Variants in SNRPN observed in about 807,000 individuals in gnomAD.
SNRPN encodes small nuclear ribonucleoprotein-associated protein N.
A neutral mutation model predicts 25.2 loss-of-function variants in SNRPN; 7 were observed. The ratio of observed to expected loss-of-function variants is 0.28; its 90% CI spans 0.16 to 0.52. The LOEUF (loss-of-function observed/expected upper bound fraction) is 0.52, where lower values mean the gene tolerates loss of function less well. Ranked by LOEUF, SNRPN falls within the 20% of genes least tolerant of loss-of-function variation. The pLI, the probability that SNRPN is intolerant of heterozygous loss-of-function variation, is 0.96. For missense variants in SNRPN, 196 were observed against 322.5 expected (o/e 0.61, Z 3.00); for synonymous variants, 124 against 110.6 (o/e 1.12, Z -0.76).
intron 2 of SNRPN, among the ~76,000 whole-genome samples, chr15:24,908,033 A>G (rs1405520552): frequency 3.0e-5 from 4 of 132,944 alleles, no homozygotes; most frequent in Non-Finnish European, 6.1e-5. Context: ...AGCCTGGGCA[A>G]CAGAGCTAGA....
chr15:24,914,713 G>C (rs934677878), intron 2 of SNRPN, among the ~76,000 whole-genome samples: 1 of 152,054 alleles, frequency 6.6e-6, no homozygotes, highest in Non-Finnish European at 1.5e-5. Context: ...TGAGGTCCTG[G>C]GTGAGAGGTC....
intron 2 of SNRPN, among the ~76,000 whole-genome samples, chr15:24,833,659 T>G (rs1032488660): frequency 1.3e-5 from 2 of 151,922 alleles, no homozygotes; most frequent in Non-Finnish European, 2.9e-5. Flanking sequence ...TAACATAGAC[T>G]ATTATTTTAA....
At chr15:24,966,129 T>C (rs186322050) in intron 2 of SNRPN, among the ~76,000 whole-genome samples, 4 of 152,200 alleles carry the variant, frequency 2.6e-5, no homozygotes. Flanking sequence ...TTCCCCTCAA[T>C]GCAGACACCA....
chr15:24,854,947 C>T (rs575209487), upstream of SNRPN, among the ~76,000 whole-genome samples: 70 of 151,204 alleles, frequency 4.6e-4, 1 homozygote, highest in East Asian at 0.011. Flanking sequence ...GAGGTTGCAG[C>T]GAGCCGAGAT....
intron 2 of SNRPN, among the ~76,000 whole-genome samples, chr15:24,917,718 G>C (rs539330493): frequency 5.3e-5 from 8 of 152,346 alleles, no homozygotes; most frequent in African/African-American, 1.9e-4. Context: ...TTTTCTTTCC[G>C]CAGCCACGGG....
At chr15:24,878,462 C>T (rs1221574841) in intron 1 of SNRPN, among the ~76,000 whole-genome samples, 2 of 152,258 alleles carry the variant, frequency 1.3e-5, no homozygotes, top group Admixed American at 6.5e-5. Context: ...GCCTTTTCTC[C>T]TTCCGGTTTC....
At position 24,837,427 on chromosome 15, in the gene SNRPN, GC is replaced by G. The variant is rs537549802; in HGVS notation, c.-579+7523del. 1.5e-3 allele frequency among the ~76,000 whole-genome samples: 232 copies of G among 151,460 alleles called. 1 individual carries two copies. Among genetic ancestry groups the G allele is most frequent in the African/African-American group, 5.5e-3 (228 of 41,172 alleles). On this transcript the variant is annotated intron_variant, in intron 2 of 12. Transcript: ENST00000400100. ...GTGTAGCCCAGGCTGGAGTGCAGTG[GC>G]TGCGATCTTGGCTCACTGCAAGCTC...
chr15:24,915,007 A>C (rs565157069), intron 2 of SNRPN, among the ~76,000 whole-genome samples: 40 of 152,272 alleles, frequency 2.6e-4, no homozygotes, highest in African/African-American at 9.4e-4. Context: ...ACACCTAACA[A>C]GATTCTTGTT....
At chr15:24,972,856 A>G (rs12913403) in intron 3 of SNRPN, among the ~76,000 whole-genome samples, 3,698 of 151,860 alleles carry the variant, frequency 0.024, 56 homozygotes, top group Middle Eastern at 0.055. Flanking sequence ...AAGATTACAA[A>G]ACCATGTTTT....
chr15:24,859,221 G>A (rs368750973), intron 1 of SNRPN, among the ~76,000 whole-genome samples: 17 of 152,220 alleles, frequency 1.1e-4, no homozygotes, highest in African/African-American at 2.9e-4. Flanking sequence ...ACCCCTCTGC[G>A]CAGAAGTAAA....
intron 1 of SNRPN, among the ~76,000 whole-genome samples, chr15:24,959,787 T>A (rs543411699): frequency 6.6e-6 from 1 of 152,238 alleles, no homozygotes; most frequent in Admixed American, 6.5e-5. Flanking sequence ...TGATGGACAT[T>A]TGAGTTGTTT....
At chr15:24,909,144 T>C in intron 2 of SNRPN, 2 of 1,353,190 alleles carry the variant, frequency 1.5e-6, no homozygotes, top group Admixed American at 1.7e-5. Flanking sequence ...CTGTTCTTTA[T>C]GTATTGAGAG....
At chr15:24,905,399 C>T (rs1176038063) in intron 2 of SNRPN, among the ~76,000 whole-genome samples, 1 of 151,262 alleles carries the variant, frequency 6.6e-6, no homozygotes, top group Non-Finnish European at 1.5e-5. Context: ...GTCTTAGCAG[C>T]TCAGGAGGCT....
chr15:24,910,928 A>T, intron 2 of SNRPN: 2 of 747,646 alleles, frequency 2.7e-6, no homozygotes, highest in South Asian at 3.1e-5. Flanking sequence ...TTCCTCCTGT[A>T]GGCTGGCAGA....
Position 24,863,999 on chromosome 15 carries a change from T to TTTTA in SNRPN, c.-579+7299_-579+7302dup, listed in dbSNP as rs1555383863. ...TTTTAGATGTTTTTTCTTTTTTAAATTTTATTTATTTATTTATTTTTATTT... is the reference window on the plus strand; with the variant it reads ...TTTTAGATGTTTTTTCTTTTTTAAATTTTATTTATTTATTTATTTATTTTTATTT... On this transcript the variant is annotated intron_variant, in intron 1 of 11. Coordinates refer to the SNRPN transcript ENST00000400097. 2.4e-4 allele frequency among the ~76,000 whole-genome samples: 35 copies of TTTTA among 148,840 alleles called. 2 individuals are homozygous for TTTTA. The highest frequency in any genetic ancestry group is 8.2e-4 in the African/African-American group (33 of 40,056).
At position 24,977,748 on chromosome 15, in the gene SNRPN, C is replaced by G. The variant is rs760905813; in HGVS notation, c.421-30C>G. On this transcript the variant is annotated intron_variant, in intron 7 of 9. Coordinates refer to ENST00000390687, the MANE Select transcript of SNRPN (RefSeq NM_003097.6). The stretch of plus-strand genomic sequence containing the variant: ...TTGAATAATGTGAAGGTTTGCATCG[C>G]TTTGACTGTTTCCCGCCCTGCCTTC... The G allele has an allele frequency of 2.6e-6, 4 of 1,560,512 alleles. No individual in the cohort carries two copies. In the African/African-American group the frequency reaches 5.5e-5, roughly 21 times the overall value.
At chr15:24,854,427 G>A (rs1001757205), upstream of SNRPN, among the ~76,000 whole-genome samples, 3 of 152,180 alleles carry the variant, frequency 2.0e-5, no homozygotes, top group Admixed American at 6.5e-5. Flanking sequence ...AATGGAGAAC[G>A]AATTAGATAG....
intron 2 of SNRPN, among the ~76,000 whole-genome samples, chr15:24,904,377 G>A (rs1035129721): frequency 3.3e-5 from 5 of 152,150 alleles, no homozygotes; most frequent in Admixed American, 2.0e-4. Context: ...TGTTCAGGCC[G>A]GCTACAGTGG....
intron 1 of SNRPN, among the ~76,000 whole-genome samples, chr15:24,878,526 C>A (rs2056233408): frequency 6.6e-6 from 1 of 152,250 alleles, no homozygotes; most frequent in African/African-American, 2.4e-5. Flanking sequence ...CCGGGAGTCT[C>A]CCTTTCTTCG....
Sources: gnomAD v4.1 joint callset for allele counts (sites outside exome capture counted in the v4.1 genomes callset) on GRCh38, gnomAD v4.1.1 for gene constraint, MANE v1.5 for transcripts, NCBI Gene and HGNC (gene_info 2026-07-23, HGNC 2026-07-21) for gene names.